Variants in DGKB observed in about 807,000 individuals in gnomAD.
DGKB encodes diacylglycerol kinase beta.
DGKB carries 67 observed loss-of-function variants against 114.3 expected under a neutral mutation model. That is an observed-to-expected ratio of 0.59 (90% confidence interval 0.48 to 0.72). The LOEUF (loss-of-function observed/expected upper bound fraction) is 0.72. Ranked by LOEUF, DGKB falls within the 30% of genes least tolerant of loss-of-function variation. The probability of loss-of-function intolerance (pLI) is 0.00; values close to 1 mark genes in which losing one functional copy is unlikely to be tolerated. For missense variants in DGKB, 907 were observed against 975.2 expected (o/e 0.93, Z 0.93); for synonymous variants, 398 against 323.1 (o/e 1.23, Z -2.49).
At chr7:14,443,058 T>C (rs1428586362) in intron 21 of DGKB, among the ~76,000 whole-genome samples, 1 of 152,198 alleles carries the variant, frequency 6.6e-6, no homozygotes, top group Non-Finnish European at 1.5e-5. Flanking sequence ...TTATAATTGT[T>C]TTATAACTGT....
At chr7:14,635,045 A>C (rs1252349513) in intron 13 of DGKB, among the ~76,000 whole-genome samples, 1 of 151,636 alleles carries the variant, frequency 6.6e-6, no homozygotes, top group Admixed American at 6.6e-5. Context: ...ATGTCTAATT[A>C]AGATGTAACT....
intron 2 of DGKB, among the ~76,000 whole-genome samples, chr7:14,774,446 A>C (rs1316873617): frequency 6.6e-6 from 1 of 152,180 alleles, no homozygotes; most frequent in Non-Finnish European, 1.5e-5. Flanking sequence ...GGAAAATGTC[A>C]AAAATCTTAG....
chr7:14,542,423 T>C (rs978656285), intron 20 of DGKB, among the ~76,000 whole-genome samples: 5 of 152,164 alleles, frequency 3.3e-5, no homozygotes, highest in African/African-American at 4.8e-5. Context: ...ACCCGTATTC[T>C]CTACTTTAAA....
intron 1 of DGKB, among the ~76,000 whole-genome samples, chr7:14,970,259 C>T (rs920543033): frequency 2.0e-5 from 3 of 152,098 alleles, no homozygotes; most frequent in Non-Finnish European, 2.9e-5. Context: ...TGCCAGGCAT[C>T]CTGCTACATC....
chr7:14,334,385 TGTGTGTGTGTGC>T (rs1810301938), intron 23 of DGKB, among the ~76,000 whole-genome samples: 1 of 83,432 alleles, frequency 1.2e-5, no homozygotes, highest in African/African-American at 3.4e-5. Context: ...TGTGTGTGTG[TGTGTGTGTGTGC>T]GCGCGCGTGT....
intron 5 of DGKB, among the ~76,000 whole-genome samples, chr7:14,732,718 C>A (rs897525185): frequency 6.6e-6 from 1 of 152,080 alleles, no homozygotes; most frequent in East Asian, 1.9e-4. Flanking sequence ...GTGTAGAATG[C>A]GTAATTTTCC....
chr7:14,862,116 G>C (rs535573087), intron 1 of DGKB, among the ~76,000 whole-genome samples: 60 of 152,008 alleles, frequency 3.9e-4, no homozygotes, highest in Non-Finnish European at 6.5e-4. Flanking sequence ...TAATGAACTT[G>C]AGAATCTTAT....
intron 25 of DGKB, among the ~76,000 whole-genome samples, chr7:14,167,546 C>A (rs1784788493): frequency 6.6e-6 from 1 of 152,080 alleles, no homozygotes; most frequent in African/African-American, 2.4e-5. Context: ...AGAAAGCTAT[C>A]CTATGAAGTT....
At chr7:14,544,901 C>T (rs929871256) in intron 20 of DGKB, among the ~76,000 whole-genome samples, 4 of 151,956 alleles carry the variant, frequency 2.6e-5, no homozygotes, top group African/African-American at 9.7e-5. Flanking sequence ...GCTTTCTAGG[C>T]TTTCTCCCAA....
At chr7:14,550,255 A>G (rs1247436251) in intron 20 of DGKB, among the ~76,000 whole-genome samples, 1 of 152,082 alleles carries the variant, frequency 6.6e-6, no homozygotes, top group Admixed American at 6.6e-5. Context: ...TTTTTTCTAA[A>G]ATACTTATTT....
At chr7:14,234,818 T>C (rs182030290) in intron 23 of DGKB, among the ~76,000 whole-genome samples, 26 of 152,218 alleles carry the variant, frequency 1.7e-4, no homozygotes, top group South Asian at 2.1e-4. Flanking sequence ...AGTCCTTTTC[T>C]GTTTCTACCC....
intron 4 of DGKB, among the ~76,000 whole-genome samples, chr7:14,745,233 A>T (rs1323734348): frequency 1.3e-5 from 2 of 152,004 alleles, no homozygotes; most frequent in Non-Finnish European, 2.9e-5. Context: ...AGGCCATCAA[A>T]CTCCAAGCGA....
At chr7:14,426,622 C>T (rs941141457) in intron 21 of DGKB, among the ~76,000 whole-genome samples, 1 of 152,182 alleles carries the variant, frequency 6.6e-6, no homozygotes, top group African/African-American at 2.4e-5. Context: ...GTATCCTAGG[C>T]AACCATGCTA....
intron 16 of DGKB, among the ~76,000 whole-genome samples, chr7:14,609,362 CT>C: frequency 6.6e-6 from 1 of 152,196 alleles, no homozygotes; most frequent in South Asian, 2.1e-4. Context: ...AAACTGGACT[CT>C]TTTCTTTCAC....
At chr7:14,342,685 A>C (rs1341897647) in intron 22 of DGKB, among the ~76,000 whole-genome samples, 2 of 151,912 alleles carry the variant, frequency 1.3e-5, no homozygotes, top group Non-Finnish European at 2.9e-5. Context: ...TGGAGATATA[A>C]CAGTATCATA....
intron 1 of DGKB, among the ~76,000 whole-genome samples, chr7:14,924,601 A>G (rs963665636): frequency 6.6e-6 from 1 of 152,150 alleles, no homozygotes; most frequent in Non-Finnish European, 1.5e-5. Flanking sequence ...ATAGTTCACT[A>G]GTGCCCTCTT....
chr7:14,167,202 C>G lies in DGKB; in HGVS notation c.2304+9637G>C, dbSNP rs1292909232. On this transcript the variant is annotated intron_variant, in intron 25 of 25. Transcript: ENST00000402815. The stretch of plus-strand genomic sequence containing the variant: ...CTCCAGCCTGGGTAACAGAATGAGA[C>G]TCCATCTCAAAAAAAAAAAAAAAAA... Among the ~76,000 whole-genome samples, 5 of 67,430 alleles carry G rather than the reference C, an allele frequency of 7.4e-5. No homozygotes were observed. The South Asian group carries it at 3.5e-3, about 47-fold the overall frequency. The allele number at this position is 67,430 out of a possible 152,430, so 44.2% of individuals were successfully genotyped here. A position where few individuals can be genotyped will look rare whatever the true frequency, so the allele number is the denominator to read the frequency against.
At position 14,950,517 on chromosome 7, in the gene DGKB, T is replaced by A. The variant is rs567884780; in HGVS notation, c.-188+24179A>T. 2.0e-5 allele frequency among the ~76,000 whole-genome samples: 3 copies of A among 151,964 alleles called. No homozygotes were observed. In the East Asian group the frequency reaches 5.8e-4, roughly 29 times the overall value. On this transcript the variant is annotated intron_variant, in intron 1 of 4. Coordinates refer to the DGKB transcript ENST00000437998. ...GGTATTAACAAAATTTTAGTTGGAT[T>A]GATCAAGAAAAAAGGAAAAAGACAC...
At chr7:14,856,337 A>G (rs1304245622) in intron 1 of DGKB, among the ~76,000 whole-genome samples, 2 of 152,174 alleles carry the variant, frequency 1.3e-5, no homozygotes, top group Admixed American at 6.5e-5. Context: ...AAATAAAAGT[A>G]TACAACTATG....
Sources: gnomAD v4.1 joint callset for allele counts (sites outside exome capture counted in the v4.1 genomes callset) on GRCh38, gnomAD v4.1.1 for gene constraint, MANE v1.5 for transcripts, NCBI Gene and HGNC (gene_info 2026-07-23, HGNC 2026-07-21) for gene names.